The following ALDOB variants were observed in gnomAD, a reference collection of about 807,000 sequenced individuals.
ALDOB encodes fructose-bisphosphate aldolase B.
Under a neutral mutation model 41.0 loss-of-function variants are expected in ALDOB, and 39 were observed. The observed-to-expected ratio is 0.95, with a 90% CI of 0.74 to 1.24. ALDOB has a LOEUF of 1.24. Among genes scored for constraint, ALDOB ranks in the 50% most tolerant of loss-of-function variants. The pLI is 0.00. For synonymous variants in ALDOB, 175 were observed against 168.8 expected (o/e 1.04, Z -0.28); for missense variants, 530 against 457.3 (o/e 1.16, Z -1.45).
chr9:101,429,787 G>C lies in ALDOB; in HGVS notation c.292C>G (p.Leu98Val). The change falls in exon 3 of 9, where the codon CTC becomes GTC. Residue 98 changes from leucine to valine, a missense_variant. Leu to Val is a conservative substitution (Grantham distance 32, BLOSUM62 1). Coordinates refer to ENST00000647789, the MANE Select transcript of ALDOB (RefSeq NM_000035.4). ...CCCACCACGATCCCCTTTTCCTTGA[G>C]GATGTTTCTGAACAGCTTTCCCTGG... is the stretch of plus-strand genomic sequence containing the variant. ...DSQGKLFRNI[L>V]KEKGIVVGIK... The C allele has an allele frequency of 5.6e-6, 9 of 1,614,132 alleles. No individual in the cohort carries two copies. Among genetic ancestry groups the C allele is most frequent in the Admixed American group, 1.7e-5 (1 of 60,014 alleles).
chr9:101,423,439 C>T (rs539082888), intron 8 of ALDOB, among the ~76,000 whole-genome samples: 1 of 152,334 alleles, frequency 6.6e-6, no homozygotes, highest in African/African-American at 2.4e-5. Context: ...CTGCACATTA[C>T]CTGATGCTTG....
At position 101,424,985 on chromosome 9, in the gene ALDOB, G is replaced by A; in HGVS notation, c.857C>T (p.Ala286Val). The A allele has an allele frequency of 6.2e-7, 1 of 1,614,234 alleles. No individual in the cohort carries two copies. Among genetic ancestry groups the A allele is most frequent in the South Asian group, 1.1e-5 (1 of 91,084 alleles). ...CTTTGGTAGAGGGCAAAGGTTGATAGCATTGAGGTTGAGAGTGGCATCCTC... is the reference window on the plus strand; with the variant it reads ...CTTTGGTAGAGGGCAAAGGTTGATAACATTGAGGTTGAGAGTGGCATCCTC... ...SEEDATLNLN[A>V]INLCPLPKPW... Residue 286 changes from alanine (A) to valine (V), a missense_variant, in exon 8 of 9, where the codon GCT (alanine) becomes GTT (valine). Transcript: ENST00000647789.
intron 8 of ALDOB, among the ~76,000 whole-genome samples, chr9:101,422,466 C>G (rs1446223289): frequency 6.6e-6 from 1 of 152,166 alleles, no homozygotes; most frequent in African/African-American, 2.4e-5. Flanking sequence ...CATTTTACAT[C>G]AATGGTTCTC....
intron 5 of ALDOB, 59 bp downstream of exon 5, chr9:101,427,423 A>G: frequency 6.3e-7 from 1 of 1,597,632 alleles, no homozygotes; most frequent in Admixed American, 1.7e-5. Context: ...AATTGAAAAG[A>G]AAAGCTCTGA....
intron 3 of ALDOB, among the ~76,000 whole-genome samples, chr9:101,429,451 G>A (rs553697336): frequency 6.6e-5 from 10 of 152,216 alleles, no homozygotes; most frequent in Admixed American, 3.3e-4. Context: ...AAGCAACCAC[G>A]TCCAGCCTAG....
chr9:101,421,960 A>G, intron 8 of ALDOB, 56 bp from the exon 9 acceptor site: 1 of 1,440,334 alleles, frequency 6.9e-7, no homozygotes, highest in Non-Finnish European at 9.7e-7. Context: ...CCCCACCTTG[A>G]CCCTGTCTGC....
intron 8 of ALDOB, among the ~76,000 whole-genome samples, chr9:101,422,223 C>G (rs1831058434): frequency 6.6e-6 from 1 of 152,044 alleles, no homozygotes; most frequent in Non-Finnish European, 1.5e-5. Flanking sequence ...GTACACTATA[C>G]CAAAAGAAAA....
chr9:101,421,941 T>A, intron 8 of ALDOB, 37 bp from the exon 9 acceptor site: 1 of 1,549,120 alleles, frequency 6.5e-7, no homozygotes, highest in East Asian at 2.2e-5. Context: ...CTGGTTAGAG[T>A]AAATGTGACC....
chr9:101,427,768 AG>A, intron 4 of ALDOB, 126 bp from the exon 5 acceptor site: 1 of 1,129,838 alleles, frequency 8.9e-7, no homozygotes, highest in East Asian at 2.5e-5. Context: ...GATTGAAAAC[AG>A]CCAAGCATAT....
intron 8 of ALDOB, among the ~76,000 whole-genome samples, chr9:101,423,730 C>T (rs1361240688): frequency 6.6e-6 from 1 of 152,086 alleles, no homozygotes; most frequent in Non-Finnish European, 1.5e-5. Context: ...AAGTTCTTCT[C>T]CACTCAATTA....
At chr9:101,433,638 AT>A (rs1484501110) in intron 1 of ALDOB, among the ~76,000 whole-genome samples, 5 of 152,206 alleles carry the variant, frequency 3.3e-5, no homozygotes, top group Admixed American at 6.5e-5. Context: ...CTGTCCTCCT[AT>A]TTTTTAATTA....
At chr9:101,430,362 C>T (rs1175102226) in intron 2 of ALDOB, among the ~76,000 whole-genome samples, 1 of 152,160 alleles carries the variant, frequency 6.6e-6, no homozygotes, top group Non-Finnish European at 1.5e-5. Flanking sequence ...CACAGCTCTC[C>T]CTTGTGCCAT....
Position 101,429,755 on chromosome 9 carries a change from C to T in ALDOB, c.324G>A (p.Lys108=), listed in dbSNP as rs750026492. Residue 108 remains lysine (K), a splice_region_variant and synonymous_variant, in exon 3 of 9, where the codon AAG becomes AAA. Transcript: ENST00000647789. ...LKEKGIVVGI[K]LDQGGAPLAG... ...GTGAGGTGTGAATGGAGGTGTTCAC[C>T]TTGATTCCCACCACGATCCCCTTTT... 4 of 1,614,048 alleles carry T rather than the reference C, an allele frequency of 2.5e-6. No individual in the cohort carries two copies. The highest frequency in any genetic ancestry group is 3.3e-5 in the Admixed American group (2 of 60,014).
Position 101,425,550 on chromosome 9 carries a change from CA to C in ALDOB, c.701del (p.Val234GlyfsTer16), listed in dbSNP as rs752431371. The C allele has an allele frequency of 6.2e-7, 1 of 1,614,030 alleles. No individual in the cohort carries two copies. On this transcript the variant is annotated frameshift_variant, in exon 7 of 9. Coordinates refer to ENST00000647789, the MANE Select transcript of ALDOB (RefSeq NM_000035.4). LOFTEE classifies it high-confidence loss of function. Reference protein sequence around the residue: ...LEGTLLKPNMVTAGHACTKKY... With the variant: ...LEGTLLKPNMXTAGHACTKKY... ...TCTTGGTGCAGGCATGTCCAGCAGT[CA>C]CCATGTTGGGCTTTAGCAGGGTGCC... is the stretch of plus-strand genomic sequence containing the variant.
At chr9:101,428,145 T>C (rs890491275) in intron 4 of ALDOB, among the ~76,000 whole-genome samples, 3 of 152,342 alleles carry the variant, frequency 2.0e-5, no homozygotes, top group South Asian at 4.1e-4. Flanking sequence ...CTAATTTTTT[T>C]CTAAAAATAA....
chr9:101,433,791 A>G (rs1433097671), intron 1 of ALDOB, among the ~76,000 whole-genome samples: 3 of 151,994 alleles, frequency 2.0e-5, no homozygotes, highest in East Asian at 1.9e-4. Flanking sequence ...ATTTTCTGAG[A>G]CAGAGTCTTG....
At chr9:101,432,663 C>T (rs1262404473) in intron 1 of ALDOB, among the ~76,000 whole-genome samples, 1 of 152,126 alleles carries the variant, frequency 6.6e-6, no homozygotes, top group Non-Finnish European at 1.5e-5. Context: ...TGAAAATAAT[C>T]CCAGAAGGTG....
At position 101,427,536 on chromosome 9, in the gene ALDOB, G is replaced by C. The variant is rs773334784; in HGVS notation, c.486C>G (p.Leu162=). 3.0e-5 allele frequency: 49 copies of C among 1,614,018 alleles called. No homozygotes were observed. The highest frequency in any genetic ancestry group is 3.5e-5 in the Non-Finnish European group (41 of 1,180,020). Residue 162 remains leucine (L), a synonymous_variant, in exon 5 of 9, where the codon CTC becomes CTG. Transcript: ENST00000647789. The part of the protein sequence containing the change: ...LRIADQCPSS[L]AIQENANALA... Reference sequence around the variant, plus strand: ...GGGCGTTGGCGTTTTCCTGGATAGCGAGGCTGGATGGACACTGGTCGGCAA... The same window carrying C: ...GGGCGTTGGCGTTTTCCTGGATAGCCAGGCTGGATGGACACTGGTCGGCAA...
chr9:101,427,670 TCTTTGTAC>T (rs775008514), intron 4 of ALDOB, 28 bp from the exon 5 acceptor site: 2 of 1,613,388 alleles, frequency 1.2e-6, no homozygotes, highest in Non-Finnish European at 1.7e-6. Context: ...GAGAAAGGCT[TCTTTGTAC>T]CTTTGTACCT....
Sources: allele counts gnomAD v4.1 joint callset (sites outside exome capture counted in the v4.1 genomes callset), GRCh38; gene constraint gnomAD v4.1.1; transcripts MANE v1.5; gene names NCBI Gene and HGNC (gene_info 2026-07-23, HGNC 2026-07-21).